The following C11orf71 variants were observed in gnomAD, a reference collection of about 807,000 sequenced individuals.
C11orf71 encodes chromosome 11 open reading frame 71.
For missense variants in C11orf71, 179 were observed against 167.6 expected, an observed-to-expected ratio of 1.07 and a Z score of -0.38; for synonymous variants, 72 against 73.4, an observed-to-expected ratio of 0.98 and a Z score of 0.09.
In C11orf71 at chr11:114,400,143, G is replaced by C; in HGVS notation, c.189C>G (p.Ala63=). ...CGCCACCATCCACTCGACGGCTCTC[G>C]GCCCGAACGCTTGGTCGCACCGCCT... The part of the protein sequence containing the change: ...PRQAVRPSVR[A]ESRRVDGGGR... Residue 63 remains alanine (A), a synonymous_variant, in exon 1 of 1, where the codon GCC becomes GCG. Transcript: ENST00000623205. The C allele has an allele frequency of 6.2e-7, 1 of 1,613,848 alleles. No individual in the cohort carries two copies. The highest frequency in any genetic ancestry group is 8.5e-7 in the Non-Finnish European group (1 of 1,179,896).
chr11:114,394,227 T>TCTTTTCTTTTCTTTCCTTTCCTTTC (rs1565256490), downstream of C11orf71, among the ~76,000 whole-genome samples: 68 of 42,324 alleles, frequency 1.6e-3, 5 homozygotes, highest in Admixed American at 0.017. Flanking sequence ...TCTTTTCTTT[T>TCTTTTCTTTTCTTTCCTTTCCTTTC]CTTTCTTTTC....
downstream of C11orf71, among the ~76,000 whole-genome samples, chr11:114,394,327 C>T (rs185562782): frequency 7.0e-6 from 1 of 142,842 alleles, no homozygotes; most frequent in Admixed American, 7.4e-5. Context: ...CGGAGTCGCA[C>T]TCTGTTGCCC....
At chr11:114,397,167 A>T (rs760269801), downstream of C11orf71, among the ~76,000 whole-genome samples, 34 of 152,352 alleles carry the variant, frequency 2.2e-4, 1 homozygote, top group Middle Eastern at 0.01. Context: ...AAACAAACTG[A>T]AAGTTACAAT....
At chr11:114,394,257 CTTT>C (rs1390582407), downstream of C11orf71, among the ~76,000 whole-genome samples, 1 of 65,512 alleles carries the variant, frequency 1.5e-5, no homozygotes, top group African/African-American at 1.0e-4. Context: ...CTTTTCTTTT[CTTT>C]TCTTTTCTTT....
downstream of C11orf71, among the ~76,000 whole-genome samples, chr11:114,393,630 T>C (rs988324006): frequency 1.3e-5 from 2 of 152,248 alleles, no homozygotes; most frequent in Non-Finnish European, 2.9e-5. Flanking sequence ...AGATGAGCAT[T>C]CGCTATTGAT....
rs368103170 is a variant in C11orf71 at position 114,399,989 on chromosome 11, C to A, written c.343G>T (p.Gly115Cys). Residue 115 changes from glycine to cysteine, a missense_variant, in exon 1 of 1, where the codon GGT becomes TGT. Transcript: ENST00000623205. Reference protein sequence around the residue: ...VLQQRLIALGGVIAARISV With the variant: ...VLQQRLIALGCVIAARISV ...ACTGAAATTCGAGCTGCGATAACAC[C>A]TCCTAATGCAATCAAACGCTGTTGC... The A allele has an allele frequency of 3.8e-5, 61 of 1,610,560 alleles. No homozygotes were observed. The highest frequency in any genetic ancestry group is 5.1e-5 in the Non-Finnish European group (60 of 1,177,234).
chr11:114,394,273 T>TTTTCTTTTCTTTTCTTTCTTTTCTTTTC (rs1946109814), downstream of C11orf71, among the ~76,000 whole-genome samples: 1 of 78,488 alleles, frequency 1.3e-5, no homozygotes, highest in African/African-American at 7.3e-5. Context: ...TTTTCTTTTC[T>TTTTCTTTTCTTTTCTTTCTTTTCTTTTC]TTTCTTTTCT....
chr11:114,400,492 A>T lies in C11orf71; in HGVS notation c.-161T>A. The stretch of plus-strand genomic sequence containing the variant: ...GCCAGAAGCCGCCTTGCCTTTAACG[A>T]GGGGTATCCTGGCGAGCATGCGCAG... On this transcript the variant is annotated 5_prime_UTR_variant, in exon 1 of 1. Coordinates refer to ENST00000623205, the MANE Select transcript of C11orf71 (RefSeq NM_001271562.2). The T allele has an allele frequency of 7.9e-7, 1 of 1,270,288 alleles. No homozygotes were observed. Among genetic ancestry groups the T allele is most frequent in the Non-Finnish European group, 1.1e-6 (1 of 933,990 alleles). 78.7% of individuals were successfully genotyped at this position (1,270,288 alleles called of 1,614,324 possible). A position where few individuals can be genotyped will look rare whatever the true frequency, so the allele number is the denominator to read the frequency against.
In C11orf71 at chr11:114,399,114, A is replaced by G. The variant is rs534598073; in HGVS notation, c.*846T>C. 1 of 152,110 alleles carries G rather than the reference A, an allele frequency of 6.6e-6. No homozygotes were observed. Among genetic ancestry groups the G allele is most frequent in the African/African-American group, 2.4e-5 (1 of 41,486 alleles). The allele number at this position is 152,110 out of a possible 1,614,324, so 9.4% of individuals were successfully genotyped here. ...ATGTTTATTACTGTACCTAATAAAC[A>G]GCCCAGCGTGGTGATTCCTATTCAC... On this transcript the variant is annotated 3_prime_UTR_variant, in exon 1 of 1. Transcript: ENST00000623205.
Position 114,400,399 on chromosome 11 carries a change from G to C in C11orf71, c.-68C>G, listed in dbSNP as rs971600535. On this transcript the variant is annotated 5_prime_UTR_variant, in exon 1 of 1. In the 5' UTR this introduces an upstream ATG that the reference lacks. Coordinates refer to ENST00000623205, the MANE Select transcript of C11orf71 (RefSeq NM_001271562.2). ...AAGGCAGGCCCTTCGCGGCTCCCCAGATCAGTCCAGCCTGTGTCGGACCCG... is the reference window on the plus strand; with the variant it reads ...AAGGCAGGCCCTTCGCGGCTCCCCACATCAGTCCAGCCTGTGTCGGACCCG... 9 of 1,510,158 alleles carry C rather than the reference G, an allele frequency of 6.0e-6. No homozygotes were observed. Among genetic ancestry groups the C allele is most frequent in the African/African-American group, 1.4e-5 (1 of 72,260 alleles). The allele number at this position is 1,510,158 out of a possible 1,614,324, so 93.5% of individuals were successfully genotyped here.
chr11:114,392,335 C>T (rs1047763326), intron 1 of C11orf71, among the ~76,000 whole-genome samples: 6 of 151,716 alleles, frequency 4.0e-5, no homozygotes, highest in South Asian at 4.2e-4. Context: ...GTTAGGACTT[C>T]GAGACCAGTC....
chr11:114,391,966 C>T (rs115029388), intron 1 of C11orf71, among the ~76,000 whole-genome samples: 1,861 of 150,214 alleles, frequency 0.012, 41 homozygotes, highest in African/African-American at 0.043. Flanking sequence ...TTCAGCACAA[C>T]GATTATGTTT....
chr11:114,394,082 C>A (rs1346581935), downstream of C11orf71, among the ~76,000 whole-genome samples: 3 of 151,852 alleles, frequency 2.0e-5, no homozygotes, highest in Admixed American at 6.6e-5. Context: ...CGGGTTCACG[C>A]CATTCTCCTG....
chr11:114,393,527 G>C (rs539603156), intron 1 of C11orf71, among the ~76,000 whole-genome samples: 102 of 152,174 alleles, frequency 6.7e-4, no homozygotes, highest in Admixed American at 1.0e-3. Context: ...TCATATGCCT[G>C]TGGATTCATA....
chr11:114,394,228 C>CTTTTCTTTTCTTTCT, downstream of C11orf71, among the ~76,000 whole-genome samples: 151 of 48,566 alleles, frequency 3.1e-3, 1 homozygote, highest in East Asian at 8.9e-3. Context: ...CTTTTCTTTT[C>CTTTTCTTTTCTTTCT]TTTCTTTTCT....
downstream of C11orf71, among the ~76,000 whole-genome samples, chr11:114,395,594 C>G (rs894780195): frequency 7.9e-5 from 12 of 152,144 alleles, no homozygotes; most frequent in African/African-American, 2.7e-4. Flanking sequence ...AGTAGGGCAG[C>G]CTTCAGATAT....
intron 1 of C11orf71, among the ~76,000 whole-genome samples, chr11:114,392,545 A>T (rs1179852880): frequency 1.6e-4 from 23 of 143,868 alleles, no homozygotes; most frequent in African/African-American, 5.5e-4. Flanking sequence ...AAAAAAAAAA[A>T]AAAAAGAAGA....
At chr11:114,396,071 G>A (rs918875099), downstream of C11orf71, among the ~76,000 whole-genome samples, 26 of 152,258 alleles carry the variant, frequency 1.7e-4, no homozygotes, top group African/African-American at 6.0e-4. Flanking sequence ...TAAAATTCTG[G>A]AAGCTTACCA....
downstream of C11orf71, among the ~76,000 whole-genome samples, chr11:114,394,294 T>TTCTCTTCTCTTCTCTTCTC (rs1946112528): frequency 4.8e-5 from 2 of 41,776 alleles, no homozygotes; most frequent in African/African-American, 3.1e-4. Flanking sequence ...TTTCTCTTAT[T>TTCTCTTCTCTTCTCTTCTC]TTCTTTTCTT....
Sources: gnomAD v4.1 joint callset for allele counts (sites outside exome capture counted in the v4.1 genomes callset) on GRCh38, gnomAD v4.1.1 for gene constraint, MANE v1.5 for transcripts, NCBI Gene and HGNC (gene_info 2026-07-23, HGNC 2026-07-21) for gene names.